NALCN: variants seen among roughly 807,000 people sequenced by gnomAD.
NALCN encodes sodium leak channel NALCN.
Under a neutral mutation model 225.3 loss-of-function variants are expected in NALCN, and 111 were observed. The ratio of observed to expected loss-of-function variants is 0.49; its 90% CI spans 0.42 to 0.58. The LOEUF (loss-of-function observed/expected upper bound fraction) is 0.58. Among genes scored for constraint, NALCN ranks in the 20% least tolerant of loss-of-function variants. The probability of loss-of-function intolerance (pLI) is 0.00; values close to 1 mark genes in which losing one functional copy is unlikely to be tolerated. For synonymous variants in NALCN, 764 were observed against 769.0 expected (o/e 0.99, Z 0.11); for missense variants, 1,378 against 2,202.4 (o/e 0.63, Z 7.49).
intron 15 of NALCN, among the ~76,000 whole-genome samples, chr13:101,173,393 T>C (rs1390141715): frequency 6.6e-6 from 1 of 152,204 alleles, no homozygotes; most frequent in African/African-American, 2.4e-5. Context: ...GTGTGGGCTT[T>C]CGGTCCAAAT....
At position 101,331,777 on chromosome 13, in the gene NALCN, G is replaced by A. The variant is rs572610192; in HGVS notation, c.799+13489C>T. Among the ~76,000 whole-genome samples the A allele has an allele frequency of 2.0e-5, 3 of 152,254 alleles. No homozygotes were observed. In the East Asian group the frequency reaches 5.8e-4, roughly 29 times the overall value. ...TTACCATACTAAATGCCCTGCCCAG[G>A]GAAGAGCTTATGTGCCATTTTCTGT... is the stretch of plus-strand genomic sequence containing the variant. On this transcript the variant is annotated intron_variant, in intron 7 of 43. Coordinates refer to ENST00000251127, the MANE Select transcript of NALCN (RefSeq NM_052867.4).
chr13:101,147,870 C>T (rs958810642), intron 15 of NALCN, among the ~76,000 whole-genome samples: 3 of 152,082 alleles, frequency 2.0e-5, no homozygotes, highest in Non-Finnish European at 4.4e-5. Context: ...CCACCTCTGC[C>T]GGCCCTCTGC....
At chr13:101,173,025 G>A (rs140736198) in intron 15 of NALCN, among the ~76,000 whole-genome samples, 53 of 152,312 alleles carry the variant, frequency 3.5e-4, no homozygotes, top group African/African-American at 1.1e-3. Flanking sequence ...TTATGTAGGC[G>A]TCTGAGGAGG....
intron 7 of NALCN, among the ~76,000 whole-genome samples, chr13:101,334,407 A>AAT (rs1379562454): frequency 3.3e-5 from 5 of 152,114 alleles, no homozygotes; most frequent in African/African-American, 1.2e-4. Flanking sequence ...GAATGGGATG[A>AAT]ACACATACAT....
Position 101,160,206 on chromosome 13 carries a change from G to A in NALCN, c.1840-15310C>T, listed in dbSNP as rs550044320. On this transcript the variant is annotated intron_variant, in intron 15 of 43. Coordinates refer to ENST00000251127, the MANE Select transcript of NALCN (RefSeq NM_052867.4). ...CCTGACCTTGTGATCTGCCCGCCTT[G>A]GCCTCCCAAAGGAGAGAGAAGTTTT... Among the ~76,000 whole-genome samples the A allele has an allele frequency of 3.0e-4, 46 of 152,232 alleles. No individual in the cohort carries two copies. In the South Asian group the frequency reaches 7.3e-3, roughly 24 times the overall value.
intron 34 of NALCN, among the ~76,000 whole-genome samples, chr13:101,080,709 TTTAA>T (rs1355227969): frequency 6.8e-5 from 10 of 146,940 alleles, no homozygotes; most frequent in African/African-American, 2.0e-4. Context: ...TAATGCATCT[TTTAA>T]TTAATACATA....
At chr13:101,257,033 G>A (rs2042254683) in intron 11 of NALCN, among the ~76,000 whole-genome samples, 1 of 152,070 alleles carries the variant, frequency 6.6e-6, no homozygotes, top group Non-Finnish European at 1.5e-5. Flanking sequence ...AAAGTTCTGG[G>A]ATTACGGGCG....
At chr13:101,099,946 TG>T (rs1291744072) in intron 27 of NALCN, among the ~76,000 whole-genome samples, 4 of 152,182 alleles carry the variant, frequency 2.6e-5, no homozygotes, top group Non-Finnish European at 5.9e-5. Flanking sequence ...TGATCCAAGA[TG>T]CAATATATAC....
chr13:101,277,985 C>T (rs371408820), intron 10 of NALCN, among the ~76,000 whole-genome samples: 1 of 152,070 alleles, frequency 6.6e-6, no homozygotes, highest in Non-Finnish European at 1.5e-5. Flanking sequence ...ATGGGTAGGA[C>T]GTGTGGGTTT....
At chr13:101,244,688 G>A (rs1227450329) in intron 11 of NALCN, among the ~76,000 whole-genome samples, 1 of 152,214 alleles carries the variant, frequency 6.6e-6, no homozygotes, top group Non-Finnish European at 1.5e-5. Flanking sequence ...CTGCCATAGA[G>A]AAGAACTGTG....
chr13:101,119,032 G>A (rs1034841996), intron 18 of NALCN, among the ~76,000 whole-genome samples: 13 of 152,156 alleles, frequency 8.5e-5, no homozygotes, highest in African/African-American at 3.1e-4. Flanking sequence ...ATTATAAAAG[G>A]AGAACTTTCC....
intron 37 of NALCN, among the ~76,000 whole-genome samples, chr13:101,073,161 A>G (rs991712554): frequency 2.0e-5 from 3 of 152,152 alleles, no homozygotes; most frequent in African/African-American, 7.2e-5. Context: ...TTATAGTATA[A>G]AGGAAGAGTA....
Position 101,075,884 on chromosome 13 carries a change from A to G in NALCN, c.3943T>C (p.Cys1315Arg). ...AACAATGTACTTACATGTTTTCCAC[A>G]GATGGAGAAAAACCTAAATACAATC... is the stretch of plus-strand genomic sequence containing the variant. Reference protein sequence around the residue: ...CVIVFRFFSICGKHVTLKMLL... With the variant: ...CVIVFRFFSIRGKHVTLKMLL... The change falls in exon 35 of 44, where the codon TGT (cysteine) becomes CGT (arginine). Residue 1315 changes from cysteine (C) to arginine (R), a missense_variant. Around this residue, in one of 19 missense-constraint regions of NALCN, gnomAD observed 4 missense variants for 34.3 expected, o/e 0.12. Coordinates refer to ENST00000251127, the MANE Select transcript of NALCN (RefSeq NM_052867.4). 1 of 1,609,930 alleles carries G rather than the reference A, an allele frequency of 6.2e-7. No homozygotes were observed. The highest frequency in any genetic ancestry group is 8.5e-7 in the Non-Finnish European group (1 of 1,178,492).
At chr13:101,223,650 T>C (rs939480991) in intron 13 of NALCN, among the ~76,000 whole-genome samples, 2 of 152,088 alleles carry the variant, frequency 1.3e-5, no homozygotes, top group Non-Finnish European at 2.9e-5. Context: ...AATGGCATTC[T>C]AAAAAACACC....
chr13:101,327,451 T>C (rs1439617248), intron 7 of NALCN, among the ~76,000 whole-genome samples: 1 of 152,204 alleles, frequency 6.6e-6, no homozygotes, highest in Admixed American at 6.5e-5. Flanking sequence ...TTCAGGCTCA[T>C]GCTTCCATTC....
chr13:101,175,605 C>T (rs1004902023), intron 15 of NALCN, among the ~76,000 whole-genome samples: 1 of 152,120 alleles, frequency 6.6e-6, no homozygotes, highest in African/African-American at 2.4e-5. Flanking sequence ...AACGTTCCAC[C>T]CATTGTCCCA....
At chr13:101,189,285 A>T (rs1291692229) in intron 14 of NALCN, among the ~76,000 whole-genome samples, 1 of 152,184 alleles carries the variant, frequency 6.6e-6, no homozygotes, top group Admixed American at 6.5e-5. Flanking sequence ...AAAGAAGAAG[A>T]ATGGAAATTA....
chr13:101,325,404 A>C (rs1291737845), intron 7 of NALCN, among the ~76,000 whole-genome samples: 1 of 152,114 alleles, frequency 6.6e-6, no homozygotes, highest in East Asian at 1.9e-4. Flanking sequence ...TCTCCTTATT[A>C]CAATAGTTAA....
At chr13:101,167,506 C>T (rs1444974380) in intron 15 of NALCN, among the ~76,000 whole-genome samples, 1 of 152,096 alleles carries the variant, frequency 6.6e-6, no homozygotes, top group Non-Finnish European at 1.5e-5. Flanking sequence ...GAGGAGCATA[C>T]TGAGCGTGTA....
Sources: gnomAD v4.1 joint callset for allele counts (sites outside exome capture counted in the v4.1 genomes callset) on GRCh38, gnomAD v4.1.1 for gene constraint, gnomAD v4.1.1 regional missense constraint, MANE v1.5 for transcripts, NCBI Gene and HGNC (gene_info 2026-07-23, HGNC 2026-07-21) for gene names.